Variants in IFT122 observed in about 807,000 individuals in gnomAD.
The protein encoded by IFT122 is intraflagellar transport 122.
IFT122 carries 118 observed loss-of-function variants against 161.6 expected under a neutral mutation model. The observed-to-expected ratio is 0.73, with a 90% confidence interval of 0.63 to 0.85. IFT122 has a LOEUF of 0.85. IFT122 is among the 40% of genes least tolerant of loss of function. The pLI is 0.00. For synonymous variants in IFT122, 550 were observed against 602.4 expected (o/e 0.91, Z 1.27); for missense variants, 1,381 against 1,579.6 (o/e 0.87, Z 2.13).
In IFT122 at chr3:129,517,581, G is replaced by A. The variant is rs1439886207; in HGVS notation, c.3378G>A (p.Glu1126=). 4 of 1,613,516 alleles carry A rather than the reference G, an allele frequency of 2.5e-6. No homozygotes were observed. Among genetic ancestry groups the A allele is most frequent in the Non-Finnish European group, 3.4e-6 (4 of 1,179,694 alleles). ...LRPKRDDRQL[E]IANNSSQILR... Reference sequence around the variant, plus strand: ...CCAAGCGGGATGACAGACAGCTAGAGATTGCAAACAACAGTATCCATGCCC... The same window carrying A: ...CCAAGCGGGATGACAGACAGCTAGAAATTGCAAACAACAGTATCCATGCCC... Residue 1126 remains glutamate (E), a synonymous_variant, in exon 27 of 30, where the codon GAG becomes GAA. Coordinates refer to ENST00000348417, the MANE Select transcript of IFT122 (RefSeq NM_052989.3).
intron 9 of IFT122, among the ~76,000 whole-genome samples, chr3:129,474,443 G>A (rs988524904): frequency 1.3e-5 from 2 of 152,132 alleles, no homozygotes; most frequent in African/African-American, 4.8e-5. Flanking sequence ...AAGGAACTTG[G>A]GCTTTAGTGG....
At chr3:129,519,764 T>G in intron 29 of IFT122, 32 bp downstream of exon 29, 1 of 1,611,870 alleles carries the variant, frequency 6.2e-7, no homozygotes, top group African/African-American at 1.3e-5. Flanking sequence ...TCACATGTGC[T>G]TCTCTTGGCC....
chr3:129,466,590 C>T (rs2076818085), intron 7 of IFT122, among the ~76,000 whole-genome samples: 2 of 150,828 alleles, frequency 1.3e-5, no homozygotes, highest in Admixed American at 1.3e-4. Context: ...CAACCTCCGC[C>T]TCCCAGGTTC....
At chr3:129,457,830 G>C (rs1040919963) in intron 3 of IFT122, 1 of 151,902 alleles carries the variant, frequency 6.6e-6, no homozygotes, top group East Asian at 1.9e-4. Context: ...CCACCTCCTG[G>C]GTTCACTCCA....
intron 6 of IFT122, among the ~76,000 whole-genome samples, chr3:129,463,883 G>C (rs1410213547): frequency 1.3e-5 from 2 of 152,212 alleles, no homozygotes; most frequent in Non-Finnish European, 2.9e-5. Flanking sequence ...CTGAGTGGAG[G>C]CTTGTTGAAA....
intron 17 of IFT122, among the ~76,000 whole-genome samples, chr3:129,493,262 G>A (rs2080373322): frequency 6.6e-6 from 1 of 152,194 alleles, no homozygotes; most frequent in Non-Finnish European, 1.5e-5. Context: ...AAACAGTGAG[G>A]AAATAGCAAA....
At chr3:129,487,808 T>C in intron 15 of IFT122, 1 of 294,160 alleles carries the variant, frequency 3.4e-6, no homozygotes, top group Non-Finnish European at 6.7e-6. Context: ...CGGCACAACC[T>C]GCGATCTGGA....
At chr3:129,474,212 A>C (rs2077665056) in intron 9 of IFT122, among the ~76,000 whole-genome samples, 1 of 152,192 alleles carries the variant, frequency 6.6e-6, no homozygotes, top group South Asian at 2.1e-4. Flanking sequence ...AATCTGTTCA[A>C]AATTGGATGC....
At chr3:129,468,360 T>C (rs116046381) in intron 8 of IFT122, among the ~76,000 whole-genome samples, 2 of 152,130 alleles carry the variant, frequency 1.3e-5, no homozygotes, top group African/African-American at 4.8e-5. Context: ...TTTTTTTTTT[T>C]TGTGACAGAG....
intron 4 of IFT122, 86 bp from the exon 5 acceptor site, chr3:129,461,142 G>A (rs773311961): frequency 1.8e-4 from 209 of 1,145,816 alleles, no homozygotes; most frequent in Non-Finnish European, 2.5e-4. Context: ...GTCAGAGGCT[G>A]TGGGCTCATT....
At chr3:129,486,329 T>C (rs1168793389) in intron 15 of IFT122, among the ~76,000 whole-genome samples, 1 of 152,210 alleles carries the variant, frequency 6.6e-6, no homozygotes, top group Non-Finnish European at 1.5e-5. Context: ...GAGCAACTCA[T>C]TTCACTCTTT....
intron 1 of IFT122, among the ~76,000 whole-genome samples, chr3:129,449,010 A>G (rs578057938): frequency 8.5e-4 from 129 of 152,256 alleles, no homozygotes; most frequent in African/African-American, 2.9e-3. Flanking sequence ...CAGCTTGCCT[A>G]TCTATGTTTG....
intron 9 of IFT122, 127 bp downstream of exon 9, chr3:129,469,544 A>G (rs2077147992): frequency 1.3e-6 from 1 of 780,914 alleles, no homozygotes; most frequent in Non-Finnish European, 2.2e-6. Flanking sequence ...CTGTGGTACC[A>G]GATACTGTGC....
intron 17 of IFT122, among the ~76,000 whole-genome samples, chr3:129,494,074 C>T (rs3821913): frequency 0.11 from 16,127 of 152,168 alleles, 1,301 homozygotes; most frequent in African/African-American, 0.22. Flanking sequence ...GTCCTGCTGA[C>T]GGGGGGAAAG....
At chr3:129,516,795 ACACACACAGAG>A (rs2083833993) in intron 26 of IFT122, among the ~76,000 whole-genome samples, 1 of 138,682 alleles carries the variant, frequency 7.2e-6, no homozygotes, top group Non-Finnish European at 1.5e-5. Context: ...CCGCTCCTGC[ACACACACAGAG>A]ACTGCCCCTG....
intron 3 of IFT122, chr3:129,456,189 ACT>A: frequency 8.1e-7 from 1 of 1,230,838 alleles, no homozygotes. Flanking sequence ...TGACCCAGAG[ACT>A]CTGAGCCCAA....
chr3:129,491,159 T>A (rs1190845047), intron 16 of IFT122, among the ~76,000 whole-genome samples: 3 of 152,178 alleles, frequency 2.0e-5, no homozygotes, highest in African/African-American at 7.2e-5. Flanking sequence ...AAAGTTGCAT[T>A]GTGGTCACCT....
At chr3:129,458,568 G>T (rs1293172874) in intron 3 of IFT122, 31 bp from the exon 4 acceptor site, 1 of 1,579,606 alleles carries the variant, frequency 6.3e-7, no homozygotes, top group Non-Finnish European at 8.7e-7. Context: ...TAAGATAAAT[G>T]TAAGACTTTC....
intron 17 of IFT122, among the ~76,000 whole-genome samples, chr3:129,494,579 C>T (rs2080597913): frequency 6.6e-6 from 1 of 152,138 alleles, no homozygotes; most frequent in African/African-American, 2.4e-5. Flanking sequence ...AAGGAAACTG[C>T]TAGGGCTCAG....
Sources: allele counts gnomAD v4.1 joint callset (sites outside exome capture counted in the v4.1 genomes callset), GRCh38; gene constraint gnomAD v4.1.1; transcripts MANE v1.5; gene names NCBI Gene and HGNC (gene_info 2026-07-23, HGNC 2026-07-21).